The following ARMC9 variants were observed in gnomAD, a reference collection of about 807,000 sequenced individuals.
The protein encoded by ARMC9 is armadillo repeat containing 9, also known as lisH domain-containing protein ARMC9.
A neutral mutation model predicts 107.0 loss-of-function variants in ARMC9; 94 were observed. The ratio of observed to expected loss-of-function variants is 0.88; its 90% CI spans 0.74 to 1.04. The LOEUF is 1.04. ARMC9 is among the 50% of genes least tolerant of loss of function. The pLI, the probability that ARMC9 is intolerant of heterozygous loss-of-function variation, is 0.00. For synonymous variants in ARMC9, 380 were observed against 396.9 expected (o/e 0.96, Z 0.51); for missense variants, 942 against 1,030.1 (o/e 0.91, Z 1.17).
In ARMC9 at chr2:231,278,419, CA is replaced by C. The variant is rs1559394263; in HGVS notation, c.1515del (p.Val506SerfsTer17). 7.4e-6 allele frequency: 12 copies of C among 1,614,126 alleles called. No homozygotes were observed. Among genetic ancestry groups the C allele is most frequent in the Non-Finnish European group, 1.0e-5 (12 of 1,180,020 alleles). Reference sequence around the variant, plus strand: ...GTGCCAAGGTGGCAGGCCTCGTGCTCAAAGTCCTTTCGGATCTTCTTGGCCA... The same window carrying C: ...GTGCCAAGGTGGCAGGCCTCGTGCTCAAGTCCTTTCGGATCTTCTTGGCCA... Reference protein sequence around the residue: ...MCAKVAGLVLKVLSDLLGHEN... With the variant: ...MCAKVAGLVLXVLSDLLGHEN... On this transcript the variant is annotated frameshift_variant, in exon 16 of 25. Transcript: ENST00000611582. LOFTEE classifies it high-confidence loss of function.
At chr2:231,234,604 CT>C (rs554747017) in intron 7 of ARMC9, among the ~76,000 whole-genome samples, 10 of 151,476 alleles carry the variant, frequency 6.6e-5, no homozygotes, top group Middle Eastern at 3.4e-3. Context: ...ATAAAACATT[CT>C]TTTTTTTTGA....
chr2:231,208,164 C>G lies in ARMC9; in HGVS notation c.89C>G (p.Thr30Arg). Residue 30 changes from threonine (T) to arginine (R), a missense_variant, in exon 3 of 25, where the codon ACA (threonine) becomes AGA (arginine). By Grantham distance (71) the Thr-to-Arg change is moderately conservative (BLOSUM62 -1). Coordinates refer to ENST00000611582, the MANE Select transcript of ARMC9 (RefSeq NM_001352754.2). ...DFAEFEDTLK[T>R]FSKECKIKGK... is the part of the protein sequence containing the mutation. ...GCTGAATTTGAAGACACCTTGAAAA[C>G]ATTTTCAAAAGAATGCAAAATAAAA... The G allele has an allele frequency of 6.3e-7, 1 of 1,599,848 alleles. No homozygotes were observed. The highest frequency in any genetic ancestry group is 1.1e-5 in the South Asian group (1 of 89,546).
intron 6 of ARMC9, among the ~76,000 whole-genome samples, chr2:231,226,230 T>G (rs1268228680): frequency 6.6e-6 from 1 of 152,236 alleles, no homozygotes. Context: ...AGGAAAAGTT[T>G]AAGACAAATT....
intron 21 of ARMC9, among the ~76,000 whole-genome samples, chr2:231,348,723 A>G (rs1470029087): frequency 2.0e-5 from 3 of 152,188 alleles, no homozygotes; most frequent in Non-Finnish European, 4.4e-5. Context: ...AAGGAGCTCA[A>G]ACAACTCTAT....
intron 19 of ARMC9, among the ~76,000 whole-genome samples, chr2:231,328,821 T>C (rs1265567674): frequency 8.0e-6 from 1 of 125,220 alleles, no homozygotes; most frequent in African/African-American, 3.3e-5. Flanking sequence ...TTTCTTTTCT[T>C]TTTTTTTTTT....
chr2:231,328,831 T>TTTTTTTTTTTTTTTTTTTTTTTTTTG, intron 19 of ARMC9, among the ~76,000 whole-genome samples: 1 of 145,430 alleles, frequency 6.9e-6, no homozygotes, highest in Non-Finnish European at 1.5e-5. Flanking sequence ...TTTTTTTTTT[T>TTTTTTTTTTTTTTTTTTTTTTTTTTG]TGAGTCGGAG....
intron 16 of ARMC9, among the ~76,000 whole-genome samples, chr2:231,279,876 T>G (rs1024378114): frequency 6.6e-6 from 1 of 152,182 alleles, no homozygotes; most frequent in Non-Finnish European, 1.5e-5. Context: ...ACACCAGCCC[T>G]ATCCACTGAT....
chr2:231,299,847 C>T (rs929190174), intron 19 of ARMC9, among the ~76,000 whole-genome samples: 2 of 152,126 alleles, frequency 1.3e-5, no homozygotes, highest in Non-Finnish European at 2.9e-5. Context: ...CCATTTAAAC[C>T]TCCAGAGAAA....
chr2:231,344,948 G>T, intron 20 of ARMC9, 27 bp from the exon 21 acceptor site: 1 of 1,611,276 alleles, frequency 6.2e-7, no homozygotes, highest in East Asian at 2.2e-5. Context: ...TATTTCTCCA[G>T]CCCTTTTTTC....
chr2:231,352,729 G>A (rs1426915014), intron 21 of ARMC9, among the ~76,000 whole-genome samples: 1 of 150,648 alleles, frequency 6.6e-6, no homozygotes, highest in South Asian at 2.1e-4. Flanking sequence ...TAGATAGATG[G>A]ATAGAAGATA....
intron 4 of ARMC9, among the ~76,000 whole-genome samples, chr2:231,215,903 TG>T (rs1297334329): frequency 6.6e-6 from 1 of 152,168 alleles, no homozygotes; most frequent in African/African-American, 2.4e-5. Context: ...TGTTTAAGTC[TG>T]GGGGTCAAAA....
chr2:231,312,044 C>T (rs1296800264), intron 19 of ARMC9, among the ~76,000 whole-genome samples: 1 of 152,020 alleles, frequency 6.6e-6, no homozygotes, highest in African/African-American at 2.4e-5. Context: ...TTTGCTAACC[C>T]CCAAAAAACT....
intron 1 of ARMC9, among the ~76,000 whole-genome samples, chr2:231,205,620 G>T (rs926038155): frequency 3.9e-5 from 6 of 152,168 alleles, no homozygotes; most frequent in African/African-American, 1.4e-4. Flanking sequence ...AGTTTCTTTT[G>T]ACTTTAGCCA....
At position 231,375,544 on chromosome 2, in the gene ARMC9, A is replaced by G. The variant is rs148062272; in HGVS notation, c.*4009A>G. On this transcript the variant is annotated 3_prime_UTR_variant, in exon 25 of 25. Transcript: ENST00000611582. The surrounding 1 kb of genome is among the most constrained non-coding windows in gnomAD (Gnocchi z 4.3). ...CTCTCCATTTAGATTCAATTGAACA[A>G]ATATATTCTTTGGGGCTGCAGTGTG... 6.6e-6 allele frequency among the ~76,000 whole-genome samples: 1 copy of G among 152,264 alleles called. No homozygotes were observed. The highest frequency in any genetic ancestry group is 2.4e-5 in the African/African-American group (1 of 41,526).
In ARMC9 at chr2:231,358,175, G is replaced by C. The variant is rs576990943; in HGVS notation, c.2131+2241G>C. ...GACTGCGGTTAAGTCCATTAAGCCA[G>C]GGTATGAATGAGGGGGAGGGGGATG... On this transcript the variant is annotated intron_variant, in intron 22 of 24. Coordinates refer to ENST00000611582, the MANE Select transcript of ARMC9 (RefSeq NM_001352754.2). The surrounding 1 kb of genome is among the most constrained non-coding windows in gnomAD (Gnocchi z 4.5). Among the ~76,000 whole-genome samples the C allele has an allele frequency of 1.3e-5, 2 of 152,280 alleles. No homozygotes were observed. The highest frequency in any genetic ancestry group is 4.8e-5 in the African/African-American group (2 of 41,536).
At chr2:231,200,811 G>A (rs906309731) in intron 1 of ARMC9, among the ~76,000 whole-genome samples, 1 of 151,840 alleles carries the variant, frequency 6.6e-6, no homozygotes, top group Non-Finnish European at 1.5e-5. Context: ...CTCCAGCCTG[G>A]GCAACAGAGC....
At chr2:231,278,881 A>T (rs1329472603) in intron 16 of ARMC9, among the ~76,000 whole-genome samples, 2 of 152,218 alleles carry the variant, frequency 1.3e-5, no homozygotes. Context: ...CATTCTGTTT[A>T]TGGCTTTTCC....
intron 9 of ARMC9, among the ~76,000 whole-genome samples, chr2:231,242,126 G>A (rs2036355312): frequency 1.3e-5 from 2 of 150,708 alleles, no homozygotes; most frequent in South Asian, 4.2e-4. Context: ...TGTTACTTAT[G>A]TAATTTAAAA....
At chr2:231,321,005 T>C (rs2042966484) in intron 19 of ARMC9, among the ~76,000 whole-genome samples, 2 of 152,184 alleles carry the variant, frequency 1.3e-5, no homozygotes, top group Admixed American at 6.5e-5. Context: ...TGTGTTTGAG[T>C]CCTGCCTGAC....
Sources: gnomAD v4.1 joint callset for allele counts (sites outside exome capture counted in the v4.1 genomes callset) on GRCh38, gnomAD v4.1.1 for gene constraint, Gnocchi (gnomAD v3.1) non-coding constraint, MANE v1.5 for transcripts, NCBI Gene and HGNC (gene_info 2026-07-23, HGNC 2026-07-21) for gene names.